The following CASP9 variants were observed in gnomAD, a reference collection of about 807,000 sequenced individuals.
The protein encoded by CASP9 is caspase 9, also known as caspase-9.
In CASP9, 29 loss-of-function variants were observed where a neutral mutation model predicts 43.5. The observed-to-expected ratio is 0.67, with a 90% CI of 0.50 to 0.91. CASP9 has a LOEUF of 0.91. CASP9 is among the 40% of genes least tolerant of loss of function. CASP9 has a pLI of 0.00. For synonymous variants in CASP9, 206 were observed against 211.9 expected (o/e 0.97, Z 0.24); for missense variants, 575 against 537.4 (o/e 1.07, Z -0.69).
chr1:15,521,280 A>AG, intron 1 of CASP9, among the ~76,000 whole-genome samples: 2 of 152,050 alleles, frequency 1.3e-5, no homozygotes, highest in East Asian at 3.9e-4. Context: ...AAAAAAAAAA[A>AG]AAAAAGAAAG....
Position 15,492,932 on chromosome 1 carries a change from G to C in CASP9, c.*11C>G. 1.2e-6 allele frequency: 2 copies of C among 1,613,256 alleles called. No individual in the cohort carries two copies. The highest frequency in any genetic ancestry group is 1.7e-6 in the Non-Finnish European group (2 of 1,180,016). On this transcript the variant is annotated 3_prime_UTR_variant, in exon 9 of 9. Transcript: ENST00000333868. ...GGGGTGCAAGATAAGGCAGGGTGAGGGGCCCTGGCCTTATGATGTTTTAAA... is the reference window on the plus strand; with the variant it reads ...GGGGTGCAAGATAAGGCAGGGTGAGCGGCCCTGGCCTTATGATGTTTTAAA...
chr1:15,522,205 T>C (rs537148217), intron 1 of CASP9, among the ~76,000 whole-genome samples: 1 of 152,370 alleles, frequency 6.6e-6, no homozygotes, highest in African/African-American at 2.4e-5. Flanking sequence ...GTTTGGCTCA[T>C]TGGTTGTGGT....
At chr1:15,495,534 T>C in intron 6 of CASP9, 82 bp from the exon 7 acceptor site, 1 of 1,208,534 alleles carries the variant, frequency 8.3e-7, no homozygotes, top group Non-Finnish European at 1.1e-6. Flanking sequence ...CGGTGCAATA[T>C]ACTACATTAA....
intron 2 of CASP9, among the ~76,000 whole-genome samples, chr1:15,517,624 T>C (rs1403631705): frequency 6.6e-6 from 1 of 152,154 alleles, no homozygotes; most frequent in African/African-American, 2.4e-5. Context: ...AGTCAGTTTC[T>C]CCATCAACAA....
chr1:15,498,461 C>A (rs1378311121), intron 6 of CASP9, among the ~76,000 whole-genome samples: 2 of 151,686 alleles, frequency 1.3e-5, no homozygotes, highest in African/African-American at 4.8e-5. Flanking sequence ...GCAATCACCC[C>A]AAAAAAATGG....
Position 15,493,928 on chromosome 1 carries a change from C to A in CASP9, c.1122G>T (p.Trp374Cys), listed in dbSNP as rs763736981. ...VETLDDIFEQ[W>C]AHSEDLQSLL... ...GGGACTGCAGGTCTTCAGAGTGAGCCCACTGCTCAAAGATGTCGTCCAGGG... is the reference window on the plus strand; with the variant it reads ...GGGACTGCAGGTCTTCAGAGTGAGCACACTGCTCAAAGATGTCGTCCAGGG... Residue 374 changes from tryptophan (W) to cysteine (C), a missense_variant, in exon 8 of 9, where the codon TGG becomes TGT. Coordinates refer to ENST00000333868, the MANE Select transcript of CASP9 (RefSeq NM_001229.5). The A allele has an allele frequency of 6.2e-7, 1 of 1,603,526 alleles. No individual in the cohort carries two copies. Among genetic ancestry groups the A allele is most frequent in the Non-Finnish European group, 8.5e-7 (1 of 1,174,514 alleles).
intron 6 of CASP9, among the ~76,000 whole-genome samples, chr1:15,500,257 T>C (rs1433912827): frequency 1.3e-5 from 2 of 152,196 alleles, no homozygotes; most frequent in Non-Finnish European, 2.9e-5. Flanking sequence ...AGAATGTGAC[T>C]GTGATCCAGG....
intron 7 of CASP9, 129 bp downstream of exon 7, chr1:15,495,136 AACTTGCTC>A (rs1030436759): frequency 7.8e-5 from 62 of 791,378 alleles, no homozygotes; most frequent in Non-Finnish European, 1.1e-4. Flanking sequence ...AGAGAGAAGT[AACTTGCTC>A]AGGGTCACAG....
Position 15,491,706 on chromosome 1 carries a change from C to G in CASP9, c.*1237G>C. The G allele has an allele frequency of 5.2e-6, 1 of 190,928 alleles. No individual in the cohort carries two copies. Among genetic ancestry groups the G allele is most frequent in the South Asian group, 9.9e-5 (1 of 10,140 alleles). 11.8% of individuals were successfully genotyped at this position (190,928 alleles called of 1,614,324 possible). ...CCAGGAGGTCGAGACTGCAATAAGC[C>G]AAGATTGCGTCATTGCACTCCAGCC... is the stretch of plus-strand genomic sequence containing the variant. On this transcript the variant is annotated 3_prime_UTR_variant, in exon 9 of 9. Coordinates refer to ENST00000333868, the MANE Select transcript of CASP9 (RefSeq NM_001229.5).
Position 15,492,941 on chromosome 1 carries a change from C to G in CASP9, c.*2G>C. 1 of 1,613,514 alleles carries G rather than the reference C, an allele frequency of 6.2e-7. No homozygotes were observed. The highest frequency in any genetic ancestry group is 8.5e-7 in the Non-Finnish European group (1 of 1,179,990). On this transcript the variant is annotated 3_prime_UTR_variant, in exon 9 of 9. Transcript: ENST00000333868. The stretch of plus-strand genomic sequence containing the variant: ...GATAAGGCAGGGTGAGGGGCCCTGG[C>G]CTTATGATGTTTTAAAGAAAAGTTT...
At chr1:15,522,235 T>G (rs1710232466) in intron 1 of CASP9, among the ~76,000 whole-genome samples, 1 of 152,262 alleles carries the variant, frequency 6.6e-6, no homozygotes, top group South Asian at 2.1e-4. Flanking sequence ...CTTGCTAATA[T>G]GTAACAAGGC....
intron 6 of CASP9, among the ~76,000 whole-genome samples, chr1:15,495,944 C>T (rs962900075): frequency 3.3e-5 from 5 of 152,212 alleles, no homozygotes; most frequent in Non-Finnish European, 7.3e-5. Flanking sequence ...CAGACAAATG[C>T]TTGAATGACT....
chr1:15,502,667 C>T (rs1709369066), intron 6 of CASP9, among the ~76,000 whole-genome samples: 1 of 152,132 alleles, frequency 6.6e-6, no homozygotes, highest in African/African-American at 2.4e-5. Flanking sequence ...CAGATATTCA[C>T]GTGACAAAGG....
intron 2 of CASP9, among the ~76,000 whole-genome samples, chr1:15,509,460 C>CAAAAAAAAA: frequency 4.2e-3 from 443 of 104,460 alleles, no homozygotes; most frequent in Non-Finnish European, 5.5e-3. Flanking sequence ...ACTAAAAATA[C>CAAAAAAAAA]AAAAAAAAAA....
chr1:15,506,870 C>A, intron 4 of CASP9, 29 bp downstream of exon 4: 1 of 1,576,596 alleles, frequency 6.3e-7, no homozygotes, highest in South Asian at 1.1e-5. Flanking sequence ...GCCCCCCACC[C>A]TGTCTCCCTC....
At chr1:15,508,574 G>T (rs534161985) in intron 2 of CASP9, among the ~76,000 whole-genome samples, 4 of 151,928 alleles carry the variant, frequency 2.6e-5, no homozygotes, top group African/African-American at 9.7e-5. Context: ...CACCATGCCC[G>T]GCTAATTTTT....
intron 1 of CASP9, among the ~76,000 whole-genome samples, chr1:15,520,423 C>G (rs1443181725): frequency 1.3e-5 from 2 of 152,188 alleles, no homozygotes; most frequent in African/African-American, 4.8e-5. Context: ...AATTATCAAT[C>G]ATTATTATAA....
chr1:15,521,311 G>A (rs1231918188), intron 1 of CASP9, among the ~76,000 whole-genome samples: 1 of 150,996 alleles, frequency 6.6e-6, no homozygotes, highest in Non-Finnish European at 1.5e-5. Context: ...TTCCTTGGAG[G>A]CGTCAGGGAG....
At position 15,506,468 on chromosome 1, in the gene CASP9, A is replaced by C. The variant is rs1241120285; in HGVS notation, c.631-389T>G. Among the ~76,000 whole-genome samples the C allele has an allele frequency of 8.1e-5, 12 of 148,696 alleles. No individual in the cohort carries two copies. The East Asian group carries it at 2.0e-3, about 25-fold the overall frequency. On this transcript the variant is annotated intron_variant, in intron 4 of 8. Coordinates refer to ENST00000333868, the MANE Select transcript of CASP9 (RefSeq NM_001229.5). ...GGGACTCTGTGCCCCCGCCCCCCCC[A>C]AAAAATAAAACAACAAAGGGCCCAA...
Sources: allele counts gnomAD v4.1 joint callset (sites outside exome capture counted in the v4.1 genomes callset), GRCh38; gene constraint gnomAD v4.1.1; transcripts MANE v1.5; gene names NCBI Gene and HGNC (gene_info 2026-07-23, HGNC 2026-07-21).